The following GLI3 variants were observed in gnomAD, a reference collection of about 807,000 sequenced individuals.
GLI3 encodes the protein transcription activator GLI3.
Under a neutral mutation model 100.8 loss-of-function variants are expected in GLI3, and 20 were observed. That is an observed-to-expected ratio of 0.20 (90% CI 0.14 to 0.29). The LOEUF (loss-of-function observed/expected upper bound fraction) is 0.29, where lower values mean the gene tolerates loss of function less well. Ranked by LOEUF, GLI3 falls within the 10% of genes least tolerant of loss-of-function variation. GLI3 has a pLI of 1.00. For missense variants in GLI3, 2,040 were observed against 2,128.5 expected, an observed-to-expected ratio of 0.96 and a Z score of 0.82; for synonymous variants, 938 against 860.5, an observed-to-expected ratio of 1.09 and a Z score of -1.58.
intron 4 of GLI3, among the ~76,000 whole-genome samples, chr7:42,055,088 C>CACAT (rs1554319443): frequency 7.4e-6 from 1 of 134,338 alleles, no homozygotes; most frequent in African/African-American, 3.5e-5. Context: ...TGTATATATA[C>CACAT]ATATATACAC....
intron 3 of GLI3, among the ~76,000 whole-genome samples, chr7:42,132,638 TC>T (rs1408169501): frequency 2.0e-5 from 3 of 152,226 alleles, no homozygotes; most frequent in Non-Finnish European, 2.9e-5. Flanking sequence ...TGGCTTGGCA[TC>T]CCAATTTTGG....
intron 2 of GLI3, among the ~76,000 whole-genome samples, chr7:42,198,795 G>A (rs1787980605): frequency 6.6e-6 from 1 of 151,658 alleles, no homozygotes; most frequent in Admixed American, 6.6e-5. Context: ...CAAACACACA[G>A]GCGGCACACA....
At chr7:41,968,251 T>G (rs909105417) in intron 13 of GLI3, among the ~76,000 whole-genome samples, 1 of 152,186 alleles carries the variant, frequency 6.6e-6, no homozygotes, top group African/African-American at 2.4e-5. Flanking sequence ...ACTTTATTCT[T>G]TGGGCACATT....
At chr7:42,169,980 A>G (rs1787331019) in intron 2 of GLI3, among the ~76,000 whole-genome samples, 1 of 151,866 alleles carries the variant, frequency 6.6e-6, no homozygotes. Flanking sequence ...AAATCAGGCC[A>G]GGCACAGTGG....
At chr7:42,114,815 C>A (rs1785808241) in intron 3 of GLI3, among the ~76,000 whole-genome samples, 1 of 152,006 alleles carries the variant, frequency 6.6e-6, no homozygotes, top group African/African-American at 2.4e-5. Context: ...GATTCTCCTG[C>A]CTCAGCCTCC....
chr7:42,018,460 G>A (rs751166147), intron 10 of GLI3, among the ~76,000 whole-genome samples: 1 of 152,122 alleles, frequency 6.6e-6, no homozygotes, highest in Non-Finnish European at 1.5e-5. Flanking sequence ...CAAAGGGATC[G>A]AAATTATATG....
At chr7:42,172,853 C>T (rs772472929) in intron 2 of GLI3, among the ~76,000 whole-genome samples, 114 of 152,314 alleles carry the variant, frequency 7.5e-4, no homozygotes, top group Middle Eastern at 3.4e-3. Flanking sequence ...CTCACAGCAA[C>T]CTTGCAAATT....
chr7:42,205,887 T>C (rs1788140764), intron 2 of GLI3, among the ~76,000 whole-genome samples: 1 of 152,166 alleles, frequency 6.6e-6, no homozygotes, highest in Non-Finnish European at 1.5e-5. Flanking sequence ...CTTGTGAGAA[T>C]GCCACAGAAA....
chr7:42,055,117 A>ATG (rs112269874), intron 4 of GLI3, among the ~76,000 whole-genome samples: 1 of 70,396 alleles, frequency 1.4e-5, no homozygotes, highest in East Asian at 6.1e-4. Flanking sequence ...ATATATACAC[A>ATG]TATATATACA....
At chr7:42,221,451 G>A (rs1356126224) in intron 2 of GLI3, among the ~76,000 whole-genome samples, 1 of 152,078 alleles carries the variant, frequency 6.6e-6, no homozygotes, top group Non-Finnish European at 1.5e-5. Flanking sequence ...ATGCTCACAC[G>A]CATGCACACT....
At chr7:42,004,931 G>T (rs922699495) in intron 10 of GLI3, among the ~76,000 whole-genome samples, 1 of 152,082 alleles carries the variant, frequency 6.6e-6, no homozygotes, top group South Asian at 2.1e-4. Context: ...AATTATATCT[G>T]AAAGGAACAA....
intron 2 of GLI3, among the ~76,000 whole-genome samples, chr7:42,220,152 G>A (rs779704541): frequency 5.9e-5 from 9 of 152,096 alleles, no homozygotes; most frequent in Non-Finnish European, 1.3e-4. Context: ...GGGCCTGGCC[G>A]AAACTGAACT....
At chr7:42,152,087 T>A (rs1050948828) in intron 2 of GLI3, 5 of 152,268 alleles carry the variant, frequency 3.3e-5, no homozygotes, top group African/African-American at 1.2e-4. Flanking sequence ...TGTTTTGTTT[T>A]GTTTTGTTTT....
chr7:42,121,143 A>G (rs1200892130), intron 3 of GLI3, among the ~76,000 whole-genome samples: 4 of 152,094 alleles, frequency 2.6e-5, no homozygotes, highest in African/African-American at 9.7e-5. Flanking sequence ...ACACCTCCCC[A>G]CCTGCCTCAG....
intron 1 of GLI3, among the ~76,000 whole-genome samples, chr7:42,226,339 A>G (rs545822160): frequency 2.6e-5 from 4 of 152,182 alleles, no homozygotes; most frequent in African/African-American, 9.7e-5. Flanking sequence ...GAATCAGGAG[A>G]CAAGTTCCCA....
intron 2 of GLI3, among the ~76,000 whole-genome samples, chr7:42,168,760 T>C (rs34903028): frequency 0.062 from 9,323 of 151,430 alleles, 287 homozygotes; most frequent in Admixed American, 0.11. Flanking sequence ...CTAAAAAACG[T>C]TTTAAAAATT....
chr7:42,219,434 T>C lies in GLI3; in HGVS notation c.124+3696A>G, dbSNP rs1788439101. Among the ~76,000 whole-genome samples, 6 of 152,140 alleles carry C rather than the reference T, an allele frequency of 3.9e-5. No individual in the cohort carries two copies. In the South Asian group the frequency reaches 1.2e-3, roughly 32 times the overall value. ...TCAAATTTGACTTGCCTTTTTTTTTTGTCATACAAGATCTACAACACAGTT... is the reference window on the plus strand; with the variant it reads ...TCAAATTTGACTTGCCTTTTTTTTTCGTCATACAAGATCTACAACACAGTT... On this transcript the variant is annotated intron_variant, in intron 2 of 14. Coordinates refer to ENST00000395925, the MANE Select transcript of GLI3 (RefSeq NM_000168.6).
chr7:41,993,131 T>C (rs1788035327), intron 10 of GLI3, among the ~76,000 whole-genome samples: 1 of 152,070 alleles, frequency 6.6e-6, no homozygotes. Flanking sequence ...GCTGGATGTG[T>C]GACAAAGTGT....
At chr7:42,254,404 G>C (rs906511498) in intron 1 of GLI3, among the ~76,000 whole-genome samples, 10 of 152,144 alleles carry the variant, frequency 6.6e-5, no homozygotes, top group African/African-American at 2.4e-4. Context: ...TGGCCAATAT[G>C]ATGACACAAG....
Sources: allele counts gnomAD v4.1 joint callset (sites outside exome capture counted in the v4.1 genomes callset), GRCh38; gene constraint gnomAD v4.1.1; transcripts MANE v1.5; gene names NCBI Gene and HGNC (gene_info 2026-07-23, HGNC 2026-07-21).